SLC8A1: variants seen among roughly 807,000 people sequenced by gnomAD.
SLC8A1 encodes the protein sodium/calcium exchanger 1.
Under a neutral mutation model 68.3 loss-of-function variants are expected in SLC8A1, and 18 were observed. The observed-to-expected ratio is 0.26, with a 90% confidence interval of 0.18 to 0.39. The LOEUF (loss-of-function observed/expected upper bound fraction) is 0.39, where lower values mean the gene tolerates loss of function less well. SLC8A1 is among the 10% of genes least tolerant of loss of function. The probability of loss-of-function intolerance (pLI) is 1.00; values close to 1 mark genes in which losing one functional copy is unlikely to be tolerated. For synonymous variants in SLC8A1, 475 were observed against 415.5 expected, an observed-to-expected ratio of 1.14 and a Z score of -1.74; for missense variants, 985 against 1,156.7, an observed-to-expected ratio of 0.85 and a Z score of 2.15.
At chr2:40,424,224 T>G (rs539974320) in intron 2 of SLC8A1, among the ~76,000 whole-genome samples, 1 of 151,852 alleles carries the variant, frequency 6.6e-6, no homozygotes, top group African/African-American at 2.4e-5. Flanking sequence ...ATTATCCTTC[T>G]GTTCTGATCA....
At chr2:40,495,188 A>C (rs770710694) in intron 1 of SLC8A1, among the ~76,000 whole-genome samples, 46 of 152,036 alleles carry the variant, frequency 3.0e-4, no homozygotes, top group Non-Finnish European at 4.1e-4. Flanking sequence ...AATCATTATG[A>C]ATATATGATT....
intron 7 of SLC8A1, among the ~76,000 whole-genome samples, chr2:40,122,165 T>C (rs1427258539): frequency 6.6e-6 from 1 of 151,808 alleles, no homozygotes; most frequent in Non-Finnish European, 1.5e-5. Context: ...CCCAAGTAAA[T>C]AGAAAACCTC....
At chr2:40,349,027 T>TA (rs1670239252) in intron 2 of SLC8A1, among the ~76,000 whole-genome samples, 1 of 152,152 alleles carries the variant, frequency 6.6e-6, no homozygotes, top group Non-Finnish European at 1.5e-5. Context: ...TCCCACAAAA[T>TA]ACACATAAGC....
At chr2:40,150,650 A>G (rs2043252897) in intron 6 of SLC8A1, among the ~76,000 whole-genome samples, 1 of 152,224 alleles carries the variant, frequency 6.6e-6, no homozygotes, top group Admixed American at 6.5e-5. Flanking sequence ...CATACAAATA[A>G]GAGTGCTGAA....
At chr2:40,449,320 T>C (rs748632441) in intron 1 of SLC8A1, among the ~76,000 whole-genome samples, 1 of 152,208 alleles carries the variant, frequency 6.6e-6, no homozygotes, top group Non-Finnish European at 1.5e-5. Flanking sequence ...TTTCTCATCA[T>C]TTATTTTGTC....
At chr2:40,137,528 A>G (rs1325441921) in intron 7 of SLC8A1, among the ~76,000 whole-genome samples, 4 of 152,210 alleles carry the variant, frequency 2.6e-5, no homozygotes, top group African/African-American at 9.6e-5. Context: ...GTGGACTCCA[A>G]CATATTTTCC....
At chr2:40,409,221 C>T (rs2149691367) in intron 2 of SLC8A1, among the ~76,000 whole-genome samples, 1 of 152,166 alleles carries the variant, frequency 6.6e-6, no homozygotes, top group African/African-American at 2.4e-5. Context: ...TATTAGTTGA[C>T]TAAAATACCC....
chr2:40,427,389 T>C (rs959403539), intron 2 of SLC8A1, among the ~76,000 whole-genome samples: 1 of 152,154 alleles, frequency 6.6e-6, no homozygotes, highest in Non-Finnish European at 1.5e-5. Context: ...ACTGTATTTA[T>C]ATATTTATTT....
intron 2 of SLC8A1, among the ~76,000 whole-genome samples, chr2:40,178,832 C>G (rs973923078): frequency 2.6e-5 from 4 of 152,084 alleles, no homozygotes; most frequent in Admixed American, 2.0e-4. Context: ...TTAGTAAATG[C>G]CTTAACCATT....
At chr2:40,346,390 A>G (rs901781843) in intron 2 of SLC8A1, among the ~76,000 whole-genome samples, 1 of 152,118 alleles carries the variant, frequency 6.6e-6, no homozygotes, top group South Asian at 2.1e-4. Flanking sequence ...ACTTGTTAGA[A>G]ATATATATGC....
chr2:40,335,229 T>C (rs1665576470), intron 2 of SLC8A1, among the ~76,000 whole-genome samples: 1 of 152,228 alleles, frequency 6.6e-6, no homozygotes, highest in Non-Finnish European at 1.5e-5. Flanking sequence ...ATTTTAGAAA[T>C]TTAAATAATG....
intron 2 of SLC8A1, among the ~76,000 whole-genome samples, chr2:40,196,390 G>C (rs1349118484): frequency 2.0e-5 from 3 of 151,946 alleles, no homozygotes; most frequent in Admixed American, 2.0e-4. Flanking sequence ...ATTTCACCTT[G>C]AGAAATGAGC....
At chr2:40,311,310 G>C (rs1306595385) in intron 2 of SLC8A1, among the ~76,000 whole-genome samples, 1 of 151,902 alleles carries the variant, frequency 6.6e-6, no homozygotes, top group African/African-American at 2.4e-5. Context: ...AACATTCAAA[G>C]CTGTAACTTT....
intron 2 of SLC8A1, among the ~76,000 whole-genome samples, chr2:40,318,497 GA>G (rs11411683): frequency 6.6e-5 from 10 of 150,898 alleles, no homozygotes; most frequent in Non-Finnish European, 1.3e-4. Flanking sequence ...TTACAGAAAA[GA>G]AAAAAAAACT....
chr2:40,467,480 C>G (rs562380869), intron 1 of SLC8A1, among the ~76,000 whole-genome samples: 1 of 152,278 alleles, frequency 6.6e-6, no homozygotes, highest in South Asian at 2.1e-4. Flanking sequence ...ATTCACTCCT[C>G]TAAATTATCT....
intron 1 of SLC8A1, among the ~76,000 whole-genome samples, chr2:40,511,741 A>C (rs1356134772): frequency 2.0e-5 from 3 of 152,230 alleles, no homozygotes; most frequent in African/African-American, 4.8e-5. Context: ...CCCAGGGCTC[A>C]CAGCTGGTTT....
intron 2 of SLC8A1, among the ~76,000 whole-genome samples, chr2:40,375,352 C>G (rs1385917939): frequency 6.6e-6 from 1 of 152,016 alleles, no homozygotes; most frequent in Non-Finnish European, 1.5e-5. Context: ...ATTTTCCAAT[C>G]CAATTAGGGA....
intron 2 of SLC8A1, among the ~76,000 whole-genome samples, chr2:40,253,238 C>T (rs146956554): frequency 0.016 from 2,395 of 147,776 alleles, 36 homozygotes; most frequent in Middle Eastern, 0.028. Flanking sequence ...CATACATGTG[C>T]GTATATACAC....
intron 6 of SLC8A1, among the ~76,000 whole-genome samples, chr2:40,157,059 C>A (rs949343432): frequency 6.6e-6 from 1 of 152,148 alleles, no homozygotes; most frequent in African/African-American, 2.4e-5. Context: ...AAATGGTATG[C>A]ATGATACCAT....
Sources: allele counts gnomAD v4.1 joint callset (sites outside exome capture counted in the v4.1 genomes callset), GRCh38; gene constraint gnomAD v4.1.1; transcripts MANE v1.5; gene names NCBI Gene and HGNC (gene_info 2026-07-23, HGNC 2026-07-21).